The following SENP5 variants were observed in gnomAD, a reference collection of about 807,000 sequenced individuals.
SENP5 encodes sentrin-specific protease 5.
In SENP5, 21 loss-of-function variants were observed where a neutral mutation model predicts 74.2. The observed-to-expected ratio is 0.28, with a 90% CI of 0.20 to 0.41. The LOEUF (loss-of-function observed/expected upper bound fraction) is 0.41, where lower values mean the gene tolerates loss of function less well. SENP5 is among the 10% of genes least tolerant of loss of function. The pLI is 1.00. For synonymous variants in SENP5, 311 were observed against 312.7 expected, an observed-to-expected ratio of 0.99 and a Z score of 0.06; for missense variants, 717 against 889.1, an observed-to-expected ratio of 0.81 and a Z score of 2.46.
chr3:196,907,530 A>C (rs2108844485), intron 6 of SENP5, among the ~76,000 whole-genome samples: 1 of 152,288 alleles, frequency 6.6e-6, no homozygotes, highest in South Asian at 2.1e-4. Context: ...GTGTGGGCAA[A>C]AAATATACAT....
At position 196,886,519 on chromosome 3, in the gene SENP5, A is replaced by C. The variant is rs1253465989; in HGVS notation, c.1338A>C (p.Gly446=). Residue 446 remains glycine (G), a synonymous_variant, in exon 2 of 10, where the codon GGA becomes GGC. Transcript: ENST00000323460. ...ACTCATACCAGATGGAGGAGGATGG[A>C]TCTCTCAAGCAGAGCATTCTTAGTT... The part of the protein sequence containing the change: ...NENSYQMEED[G]SLKQSILSSE... The C allele has an allele frequency of 6.2e-7, 1 of 1,613,610 alleles. No individual in the cohort carries two copies. Among genetic ancestry groups the C allele is most frequent in the Admixed American group, 1.7e-5 (1 of 59,860 alleles).
intron 8 of SENP5, among the ~76,000 whole-genome samples, chr3:196,928,204 T>G (rs776635570): frequency 6.6e-6 from 1 of 152,196 alleles, no homozygotes; most frequent in African/African-American, 2.4e-5. Context: ...ATGACCCATA[T>G]AGACCCAGAG....
At chr3:196,892,478 A>G (rs1714253024) in intron 2 of SENP5, among the ~76,000 whole-genome samples, 2 of 152,166 alleles carry the variant, frequency 1.3e-5, no homozygotes, top group Non-Finnish European at 2.9e-5. Flanking sequence ...AAAATTCTAT[A>G]TATTTATGGG....
At chr3:196,892,498 G>T (rs1714254107) in intron 2 of SENP5, among the ~76,000 whole-genome samples, 1 of 152,116 alleles carries the variant, frequency 6.6e-6, no homozygotes, top group South Asian at 2.1e-4. Context: ...GGTACAATGT[G>T]ATGTTTTGAT....
At chr3:196,896,835 G>A (rs1312920870) in intron 2 of SENP5, among the ~76,000 whole-genome samples, 1 of 152,138 alleles carries the variant, frequency 6.6e-6, no homozygotes, top group Non-Finnish European at 1.5e-5. Flanking sequence ...CTTGTCTTAT[G>A]AGTATTTTTT....
At chr3:196,899,003 C>CGGGA (rs1283784355) in intron 2 of SENP5, among the ~76,000 whole-genome samples, 1 of 150,222 alleles carries the variant, frequency 6.7e-6, no homozygotes, top group African/African-American at 2.5e-5. Flanking sequence ...GGCGTGAACC[C>CGGGA]GGGAGGTGGA....
At chr3:196,894,954 T>G (rs1714378869) in intron 2 of SENP5, among the ~76,000 whole-genome samples, 1 of 152,226 alleles carries the variant, frequency 6.6e-6, no homozygotes, top group African/African-American at 2.4e-5. Flanking sequence ...ATCTTTTCAC[T>G]TAGGTTTTGC....
chr3:196,903,879 G>A lies in SENP5; in HGVS notation c.1884+269G>A, dbSNP rs1321312269. Among the ~76,000 whole-genome samples, 4 of 152,354 alleles carry A rather than the reference G, an allele frequency of 2.6e-5. 1 individual carries two copies. Among genetic ancestry groups the A allele is most frequent in the Middle Eastern group, 6.8e-3 (2 of 294 alleles). On this transcript the variant is annotated intron_variant, in intron 6 of 9. Coordinates refer to ENST00000323460, the MANE Select transcript of SENP5 (RefSeq NM_152699.5). ...CTGGTAGGCTTGTCAGCAGACAGCA[G>A]AAGCTTTCAACAATTTTTTGCTGGT...
intron 1 of SENP5, among the ~76,000 whole-genome samples, chr3:196,875,456 G>A (rs1577790947): frequency 6.6e-6 from 1 of 151,974 alleles, no homozygotes; most frequent in South Asian, 2.1e-4. Context: ...GTCTTTCAGT[G>A]GCTTCACACC....
chr3:196,906,072 T>C (rs1271351310), intron 6 of SENP5, among the ~76,000 whole-genome samples: 2 of 152,022 alleles, frequency 1.3e-5, no homozygotes, highest in African/African-American at 4.8e-5. Flanking sequence ...ATACAAAAAT[T>C]AGCTGGGTAT....
intron 6 of SENP5, among the ~76,000 whole-genome samples, chr3:196,910,439 C>T (rs748084702): frequency 7.7e-5 from 11 of 142,926 alleles, no homozygotes; most frequent in East Asian, 2.0e-4. Context: ...CTCCACTTCC[C>T]GGGTTCAAGC....
chr3:196,900,902 C>A (rs770703336), intron 5 of SENP5, among the ~76,000 whole-genome samples: 19 of 151,484 alleles, frequency 1.3e-4, no homozygotes, highest in Non-Finnish European at 1.5e-5. Flanking sequence ...CAAATCACTT[C>A]AGCATAAGAA....
intron 7 of SENP5, among the ~76,000 whole-genome samples, chr3:196,926,789 C>T (rs1715831293): frequency 6.6e-6 from 1 of 151,816 alleles, no homozygotes; most frequent in African/African-American, 2.4e-5. Flanking sequence ...CAGGTGTGCA[C>T]CACCACACCT....
intron 2 of SENP5, among the ~76,000 whole-genome samples, chr3:196,897,809 C>G (rs572345735): frequency 3.3e-5 from 5 of 152,268 alleles, no homozygotes; most frequent in Non-Finnish European, 5.9e-5. Flanking sequence ...TGGTGAACAA[C>G]CTAAGTCATG....
At chr3:196,884,537 C>T (rs1039386222) in intron 1 of SENP5, among the ~76,000 whole-genome samples, 2 of 152,166 alleles carry the variant, frequency 1.3e-5, no homozygotes, top group Non-Finnish European at 2.9e-5. Flanking sequence ...TTCAGCTTGA[C>T]AACAGTTTAC....
At chr3:196,927,703 G>A in intron 7 of SENP5, 93 bp from the exon 8 acceptor site, 1 of 696,852 alleles carries the variant, frequency 1.4e-6, no homozygotes, top group Non-Finnish European at 2.5e-6. Context: ...TGGGGCCACA[G>A]CCTCCTCCTT....
chr3:196,914,079 AT>A (rs749873364), intron 6 of SENP5: 5 of 152,238 alleles, frequency 3.3e-5, no homozygotes, highest in Non-Finnish European at 7.3e-5. Context: ...AAGAGATGCA[AT>A]ATTTTGGGTA....
chr3:196,929,504 C>T (rs1715944351), intron 8 of SENP5, 129 bp from the exon 9 acceptor site: 9 of 575,066 alleles, frequency 1.6e-5, no homozygotes, highest in Non-Finnish European at 2.4e-5. Flanking sequence ...CTTGAGATAT[C>T]AGATATACCA....
chr3:196,885,470 A>G lies in SENP5; in HGVS notation c.289A>G (p.Lys97Glu). The G allele has an allele frequency of 6.2e-7, 1 of 1,614,154 alleles. No individual in the cohort carries two copies. Among genetic ancestry groups the G allele is most frequent in the South Asian group, 1.1e-5 (1 of 91,084 alleles). Reference sequence around the variant, plus strand: ...TGTTAGTACTTTGTCCTCTAAAGTGAAAAGAAAGGACGCTAAACACTTCAT... The same window carrying G: ...TGTTAGTACTTTGTCCTCTAAAGTGGAAAGAAAGGACGCTAAACACTTCAT... ...QNVSTLSSKV[K>E]RKDAKHFISS... The change falls in exon 2 of 10, where the codon AAA becomes GAA. Residue 97 changes from lysine to glutamate, a missense_variant. Coordinates refer to ENST00000323460, the MANE Select transcript of SENP5 (RefSeq NM_152699.5).
Sources: allele counts gnomAD v4.1 joint callset (sites outside exome capture counted in the v4.1 genomes callset), GRCh38; gene constraint gnomAD v4.1.1; transcripts MANE v1.5; gene names NCBI Gene and HGNC (gene_info 2026-07-23, HGNC 2026-07-21).